Variants in TAFA1 observed in about 807,000 individuals in gnomAD.
TAFA1 encodes TAFA chemokine like family member 1, also known as chemokine-like protein TAFA-1.
TAFA1 carries 4 observed loss-of-function variants against 18.5 expected under a neutral mutation model. The ratio of observed to expected loss-of-function variants is 0.22; its 90% CI spans 0.11 to 0.49. The LOEUF (loss-of-function observed/expected upper bound fraction) is 0.49. Ranked by LOEUF, TAFA1 falls within the 20% of genes least tolerant of loss-of-function variation. The pLI, the probability that TAFA1 is intolerant of heterozygous loss-of-function variation, is 0.98. For synonymous variants in TAFA1, 56 were observed against 55.2 expected, an observed-to-expected ratio of 1.01 and a Z score of -0.06; for missense variants, 147 against 169.0, an observed-to-expected ratio of 0.87 and a Z score of 0.72.
At chr3:68,480,334 C>T (rs2072207804) in intron 3 of TAFA1, among the ~76,000 whole-genome samples, 1 of 151,794 alleles carries the variant, frequency 6.6e-6, no homozygotes. Context: ...ACCTGGGAGG[C>T]GGAGGTTGCA....
intron 2 of TAFA1, among the ~76,000 whole-genome samples, chr3:68,115,536 C>T (rs1432901210): frequency 6.6e-6 from 1 of 152,158 alleles, no homozygotes; most frequent in Non-Finnish European, 1.5e-5. Context: ...TGACTATTCT[C>T]ACAGTCATTT....
chr3:68,414,971 C>CG (rs746618028), intron 2 of TAFA1, among the ~76,000 whole-genome samples: 6 of 152,170 alleles, frequency 3.9e-5, no homozygotes, highest in Admixed American at 2.6e-4. Context: ...ACTGACTTGA[C>CG]GGAGGGTATT....
intron 2 of TAFA1, among the ~76,000 whole-genome samples, chr3:68,134,810 A>G (rs144943618): frequency 6.6e-6 from 1 of 152,342 alleles, no homozygotes; most frequent in African/African-American, 2.4e-5. Context: ...GAAGGTAAGG[A>G]CATGAATCAG....
chr3:68,301,783 T>G (rs948038884), intron 2 of TAFA1, among the ~76,000 whole-genome samples: 1 of 152,206 alleles, frequency 6.6e-6, no homozygotes, highest in Admixed American at 6.5e-5. Context: ...CAACTGGTGC[T>G]TATGTGGGAA....
At chr3:68,412,308 C>T (rs1257726317) in intron 2 of TAFA1, among the ~76,000 whole-genome samples, 4 of 151,366 alleles carry the variant, frequency 2.6e-5, no homozygotes, top group Non-Finnish European at 5.9e-5. Context: ...GCTGTTGGCT[C>T]CTTGCTAGGT....
chr3:68,456,168 CT>C (rs1315686588), intron 3 of TAFA1, among the ~76,000 whole-genome samples: 1 of 152,092 alleles, frequency 6.6e-6, no homozygotes, highest in African/African-American at 2.4e-5. Flanking sequence ...TTGTGCAGGC[CT>C]TCTTGCACAA....
chr3:68,077,598 T>A (rs1394304453), intron 2 of TAFA1, among the ~76,000 whole-genome samples: 7 of 151,872 alleles, frequency 4.6e-5, no homozygotes, highest in African/African-American at 1.5e-4. Flanking sequence ...TTCTCAGGTT[T>A]GTCAAAGATC....
At chr3:68,343,460 G>A (rs1003162396) in intron 2 of TAFA1, among the ~76,000 whole-genome samples, 1 of 152,172 alleles carries the variant, frequency 6.6e-6, no homozygotes, top group African/African-American at 2.4e-5. Flanking sequence ...CAAATGTTAT[G>A]TATGATAGTA....
chr3:68,199,544 T>G (rs1347033802), intron 2 of TAFA1, among the ~76,000 whole-genome samples: 1 of 151,534 alleles, frequency 6.6e-6, no homozygotes, highest in East Asian at 2.0e-4. Context: ...CAACAGAATT[T>G]TAAAGTTTTC....
intron 3 of TAFA1, among the ~76,000 whole-genome samples, chr3:68,499,438 G>T (rs13062443): frequency 1.4e-5 from 2 of 143,180 alleles, no homozygotes; most frequent in African/African-American, 5.1e-5. Flanking sequence ...TTCTTTCTGT[G>T]TTCCTTTCTT....
intron 2 of TAFA1, among the ~76,000 whole-genome samples, chr3:68,221,745 A>C (rs1276564409): frequency 6.6e-6 from 1 of 152,218 alleles, no homozygotes; most frequent in African/African-American, 2.4e-5. Flanking sequence ...TAGAATGAGC[A>C]AATGTACTGT....
At chr3:68,154,995 A>G (rs1219342667) in intron 2 of TAFA1, among the ~76,000 whole-genome samples, 1 of 152,232 alleles carries the variant, frequency 6.6e-6, no homozygotes, top group Non-Finnish European at 1.5e-5. Context: ...TTGATTACTT[A>G]TATCGGGGTT....
intron 3 of TAFA1, among the ~76,000 whole-genome samples, chr3:68,432,386 C>T (rs769631991): frequency 5.3e-5 from 8 of 151,986 alleles, no homozygotes; most frequent in Non-Finnish European, 7.4e-5. Flanking sequence ...AATCTCCATG[C>T]ATATTGTGAG....
chr3:68,444,785 TATATATATATATATATATATATATATAA>T (rs1462793182), intron 3 of TAFA1, among the ~76,000 whole-genome samples: 2 of 23,400 alleles, frequency 8.5e-5, no homozygotes, highest in African/African-American at 5.7e-4. Flanking sequence ...TATATATATA[TATATATATATATATATATATATATATAA>T]AATAAATTAA....
At chr3:68,029,846 T>C (rs1704893265) in intron 2 of TAFA1, among the ~76,000 whole-genome samples, 1 of 152,212 alleles carries the variant, frequency 6.6e-6, no homozygotes, top group Non-Finnish European at 1.5e-5. Context: ...GGGTTTTCTG[T>C]CTGAATGCAC....
chr3:68,250,701 G>T (rs1406686482), intron 2 of TAFA1: 3 of 151,340 alleles, frequency 2.0e-5, no homozygotes, highest in Non-Finnish European at 4.4e-5. Context: ...ACTTGAGCGG[G>T]GATTTAGACA....
At chr3:68,273,721 T>C (rs1411075271) in intron 2 of TAFA1, among the ~76,000 whole-genome samples, 1 of 152,174 alleles carries the variant, frequency 6.6e-6, no homozygotes, top group African/African-American at 2.4e-5. Context: ...TAGGTATTTC[T>C]CAGAGAAATC....
Position 68,538,769 on chromosome 3 carries a change from T to C in TAFA1, c.273T>C (p.Ile91=). 6.2e-7 allele frequency: 1 copy of C among 1,613,414 alleles called. No homozygotes were observed. Among genetic ancestry groups the C allele is most frequent in the South Asian group, 1.1e-5 (1 of 91,068 alleles). The change falls in exon 4 of 5, where the codon ATT becomes ATC. Residue 91 remains isoleucine, a synonymous_variant. Transcript: ENST00000478136. ...GTTTCTGCACAGCCTCCATAGTGAT[T>C]GGGAAATGGTGGTGTGAGATGGAGC... The part of the protein sequence containing the change: ...RPSCVDASIV[I]GKWWCEMEPC...
At chr3:68,543,504 G>A (rs1255398707) in intron 4 of TAFA1, among the ~76,000 whole-genome samples, 2 of 152,058 alleles carry the variant, frequency 1.3e-5, no homozygotes, top group Non-Finnish European at 2.9e-5. Flanking sequence ...GGAGGTAGAA[G>A]ACCCCAGATT....
Sources: gnomAD v4.1 joint callset for allele counts (sites outside exome capture counted in the v4.1 genomes callset) on GRCh38, gnomAD v4.1.1 for gene constraint, MANE v1.5 for transcripts, NCBI Gene and HGNC (gene_info 2026-07-23, HGNC 2026-07-21) for gene names.